C1QTNF9B: variants seen among roughly 807,000 people sequenced by gnomAD.
The protein encoded by C1QTNF9B is complement C1q and tumor necrosis factor-related protein 9B.
A neutral mutation model predicts 10.1 loss-of-function variants in C1QTNF9B; 9 were observed. The observed-to-expected ratio is 0.89, with a 90% CI of 0.53 to 1.55. C1QTNF9B has a LOEUF of 1.55. Among genes scored for constraint, C1QTNF9B ranks in the 40% most tolerant of loss-of-function variants. C1QTNF9B has a pLI of 0.00. For synonymous variants in C1QTNF9B, 79 were observed against 159.9 expected, an observed-to-expected ratio of 0.49 and a Z score of 3.82; for missense variants, 196 against 414.4, an observed-to-expected ratio of 0.47 and a Z score of 4.58.
At chr13:23,895,725 T>TTCAGAAATAAAATACACACAGAC in intron 1 of C1QTNF9B, among the ~76,000 whole-genome samples, 1 of 150,064 alleles carries the variant, frequency 6.7e-6, no homozygotes, top group Middle Eastern at 3.4e-3. Context: ...ATCCTAAACA[T>TTCAGAAATAAAATACACACAGAC]TCAGAAATAA....
chr13:23,892,510 C>A (rs1872044983), intron 2 of C1QTNF9B, among the ~76,000 whole-genome samples: 1 of 152,104 alleles, frequency 6.6e-6, no homozygotes, highest in African/African-American at 2.4e-5. Context: ...CAAAAATTAA[C>A]CAGGTGCGGT....
chr13:23,891,652 C>T (rs766256822), exon 3 of C1QTNF9B: 3 of 1,613,652 alleles, frequency 1.9e-6, no homozygotes, highest in South Asian at 2.2e-5. Flanking sequence ...AAGAAGGAAA[C>T]TTGCTCAGCA....
rs566380779 is a variant in C1QTNF9B, at chr13:23,896,728, T to C, written c.166+93A>G. The C allele has an allele frequency of 3.9e-4, 605 of 1,557,298 alleles. 1 individual carries two copies. Among genetic ancestry groups the C allele is most frequent in the South Asian group, 6.3e-4 (52 of 82,132 alleles). ...GGTGGATGGATGGATGGGTTGTGAGTGGGTAGGTGGAAAACCACACAGATG... is the reference window on the plus strand; with the variant it reads ...GGTGGATGGATGGATGGGTTGTGAGCGGGTAGGTGGAAAACCACACAGATG... On this transcript the variant is annotated intron_variant, in intron 1 of 2. Coordinates refer to ENST00000382137, the Ensembl canonical transcript of C1QTNF9B.
In C1QTNF9B at chr13:23,896,791, C is replaced by G. The variant is rs1241759758; in HGVS notation, c.166+30G>C. On this transcript the variant is annotated intron_variant, in intron 1 of 2. Coordinates refer to ENST00000382137, the Ensembl canonical transcript of C1QTNF9B. ...GATGAAAGTAATGAAGAGAGAAGCT[C>G]AAAGGCAGCCGAAGCCGTCAGGTGA... The G allele has an allele frequency of 1.6e-5, 25 of 1,612,216 alleles. No individual in the cohort carries two copies. The East Asian group carries it at 3.1e-4, about 20-fold the overall frequency.
chr13:23,894,190 A>G (rs4067961), exon 2 of C1QTNF9B: 216,490 of 1,168,786 alleles, frequency 0.19, 52,064 homozygotes, highest in East Asian at 0.36. Context: ...CTGCCAGGAC[A>G]TCCTGGTTCT....
chr13:23,897,095 G>A, upstream of C1QTNF9B: 3 of 1,480,874 alleles, frequency 2.0e-6, no homozygotes, highest in Non-Finnish European at 2.8e-6. Context: ...GGAAATGGAT[G>A]AGCTGTCCCC....
chr13:23,897,247 A>T (rs562752339), upstream of C1QTNF9B: 12 of 501,992 alleles, frequency 2.4e-5, no homozygotes, highest in African/African-American at 2.1e-4. Flanking sequence ...AATAAAAAAA[A>T]GCCAAGTTTA....
At position 23,894,783 on chromosome 13, in the gene C1QTNF9B, TG is replaced by T. The variant is rs1375727041; in HGVS notation, c.167-583del. ...AGAGAACATCAGGTGAGTGGGGCTCTGCTGACTACACTCAAGTCCTTGTGCT... is the reference window on the plus strand; with the variant it reads ...AGAGAACATCAGGTGAGTGGGGCTCTCTGACTACACTCAAGTCCTTGTGCT... On this transcript the variant is annotated intron_variant, in intron 1 of 2. Coordinates refer to ENST00000382137, the Ensembl canonical transcript of C1QTNF9B. The T allele has an allele frequency of 1.0e-4, 39 of 387,472 alleles. No individual in the cohort carries two copies. The Middle Eastern group carries it at 3.7e-3, about 37-fold the overall frequency. The allele number at this position is 387,472 out of a possible 1,614,324, so 24.0% of individuals were successfully genotyped here. A position where few individuals can be genotyped will look rare whatever the true frequency, so the allele number is the denominator to read the frequency against.
At chr13:23,891,197 A>C in exon 3 of C1QTNF9B, 1 of 1,174,992 alleles carries the variant, frequency 8.5e-7, no homozygotes, top group Non-Finnish European at 1.2e-6. Context: ...TATTGTAATA[A>C]TTGGAGGAAT....
chr13:23,894,326 C>T, intron 1 of C1QTNF9B, 125 bp from the exon 4 acceptor site: 3 of 919,618 alleles, frequency 3.3e-6, no homozygotes, highest in Non-Finnish European at 3.4e-6. Flanking sequence ...GGCACTCTGT[C>T]CTCCACACGA....
intron 2 of C1QTNF9B, among the ~76,000 whole-genome samples, chr13:23,892,306 T>C (rs978308670): frequency 1.3e-5 from 2 of 151,938 alleles, no homozygotes; most frequent in African/African-American, 2.4e-5. Context: ...CCGGCCAACA[T>C]AGCAATTCCC....
At chr13:23,895,750 CAG>C (rs1872176545) in intron 1 of C1QTNF9B, among the ~76,000 whole-genome samples, 7 of 138,334 alleles carry the variant, frequency 5.1e-5, no homozygotes. Context: ...CACACAGACA[CAG>C]ACATACACAC....
At chr13:23,896,009 C>CT (rs1872188128) in intron 1 of C1QTNF9B, among the ~76,000 whole-genome samples, 1 of 152,218 alleles carries the variant, frequency 6.6e-6, no homozygotes. Context: ...ATTCAAAAAA[C>CT]TATCAGGCCA....
intron 2 of C1QTNF9B, among the ~76,000 whole-genome samples, chr13:23,892,893 G>A (rs550478474): frequency 1.3e-5 from 2 of 152,278 alleles, no homozygotes; most frequent in South Asian, 2.1e-4. Flanking sequence ...AACCCTAGTC[G>A]TGACATCCTC....
chr13:23,896,922 G>T (rs780568562), exon 1 of C1QTNF9B: 4 of 1,614,064 alleles, frequency 2.5e-6, no homozygotes, highest in Admixed American at 3.3e-5. Context: ...TTGCCTGCAG[G>T]TGTCCTGTGA....
At chr13:23,894,565 G>A (rs78881146) in intron 1 of C1QTNF9B, 173,058 of 520,782 alleles carry the variant, frequency 0.33, 27,199 homozygotes, top group East Asian at 0.39. Context: ...CTGAATGTTG[G>A]AGGTGCGAGG....
rs377692083 is a variant in C1QTNF9B, at chr13:23,896,813, G to A, written c.166+8C>T. 1.4e-4 allele frequency: 231 copies of A among 1,611,608 alleles called. No homozygotes were observed. In the South Asian group the frequency reaches 2.5e-3, roughly 17 times the overall value. ...GCTCAAAGGCAGCCGAAGCCGTCAG[G>A]TGAGTACCTGCATCGCCTTTGTCAC... On this transcript the variant is annotated splice_region_variant and intron_variant, in intron 1 of 2. Coordinates refer to ENST00000382137, the Ensembl canonical transcript of C1QTNF9B.
chr13:23,896,064 G>C (rs1872190883), intron 1 of C1QTNF9B, among the ~76,000 whole-genome samples: 1 of 152,202 alleles, frequency 6.6e-6, no homozygotes, highest in African/African-American at 2.4e-5. Context: ...AAACTTATTT[G>C]TAAAAAGGTC....
chr13:23,895,756 T>TAG (rs1555245155), intron 1 of C1QTNF9B, among the ~76,000 whole-genome samples: 110 of 146,680 alleles, frequency 7.5e-4, no homozygotes, highest in African/African-American at 2.6e-3. Flanking sequence ...GACACAGACA[T>TAG]ACACACACAC....
Sources: allele counts gnomAD v4.1 joint callset (sites outside exome capture counted in the v4.1 genomes callset), GRCh38; gene constraint gnomAD v4.1.1; transcripts MANE v1.5; gene names NCBI Gene and HGNC (gene_info 2026-07-23, HGNC 2026-07-21).